The following IQSEC1 variants were observed in gnomAD, a reference collection of about 807,000 sequenced individuals.
IQSEC1 encodes the protein IQ motif and SEC7 domain-containing protein 1.
IQSEC1 carries 31 observed loss-of-function variants against 91.0 expected under a neutral mutation model. That is an observed-to-expected ratio of 0.34 (90% CI 0.26 to 0.46). The LOEUF (loss-of-function observed/expected upper bound fraction) is 0.46, where lower values mean the gene tolerates loss of function less well. Ranked by LOEUF, IQSEC1 falls within the 20% of genes least tolerant of loss-of-function variation. The pLI is 1.00. For synonymous variants in IQSEC1, 699 were observed against 662.6 expected (o/e 1.05, Z -0.84); for missense variants, 1,388 against 1,575.6 (o/e 0.88, Z 2.02).
intron 1 of IQSEC1, among the ~76,000 whole-genome samples, chr3:12,997,823 T>C (rs1702278729): frequency 6.6e-6 from 1 of 152,166 alleles, no homozygotes; most frequent in Admixed American, 6.5e-5. Context: ...AAACATAACA[T>C]AGAAAAGGTA....
Position 12,908,553 on chromosome 3 carries a change from T to G in IQSEC1, c.2579-28A>C. The stretch of plus-strand genomic sequence containing the variant: ...GGAACAGAGAGGGTGAGGGTCCTGG[T>G]GAGAGGAGCACAGCCTAGAGTGGGC... On this transcript the variant is annotated intron_variant, in intron 11 of 13. Coordinates refer to ENST00000613206, the MANE Select transcript of IQSEC1 (RefSeq NM_001134382.3). The surrounding 1 kb of genome is among the most constrained non-coding windows in gnomAD (Gnocchi z 4.9). 6.2e-7 allele frequency: 1 copy of G among 1,612,722 alleles called. No individual in the cohort carries two copies. The highest frequency in any genetic ancestry group is 8.5e-7 in the Non-Finnish European group (1 of 1,179,730).
intron 7 of IQSEC1, 147 bp from the exon 8 acceptor site, chr3:12,915,280 G>A (rs769888768): frequency 1.0e-5 from 10 of 994,136 alleles, no homozygotes; most frequent in Admixed American, 2.3e-5. Flanking sequence ...AGAGCTCTCT[G>A]AGGGGTCCCA....
chr3:13,173,652 C>A (rs557470452), intron 1 of IQSEC1, among the ~76,000 whole-genome samples: 1 of 152,346 alleles, frequency 6.6e-6, no homozygotes, highest in Middle Eastern at 3.4e-3. Flanking sequence ...GGACCCCAAC[C>A]CCCTGAAGAT....
intron 1 of IQSEC1, among the ~76,000 whole-genome samples, chr3:12,974,109 A>G (rs1424377470): frequency 6.6e-6 from 1 of 152,228 alleles, no homozygotes; most frequent in African/African-American, 2.4e-5. Flanking sequence ...CACTGCAGCT[A>G]GGCCACAGTG....
intron 2 of IQSEC1, among the ~76,000 whole-genome samples, chr3:13,111,977 G>C (rs1302538736): frequency 6.6e-6 from 1 of 152,106 alleles, no homozygotes; most frequent in Admixed American, 6.5e-5. Context: ...CCATTGCCCT[G>C]GACAGCCCTC....
chr3:12,926,642 C>T (rs1019345760), intron 3 of IQSEC1, among the ~76,000 whole-genome samples: 1 of 152,208 alleles, frequency 6.6e-6, no homozygotes, highest in South Asian at 2.1e-4. Context: ...ATTAGGGGGC[C>T]GGGCCTGACC....
At chr3:13,233,912 T>A (rs1224717031) in intron 1 of IQSEC1, among the ~76,000 whole-genome samples, 3 of 151,920 alleles carry the variant, frequency 2.0e-5, no homozygotes, top group East Asian at 1.9e-4. Flanking sequence ...CCCCAAAAAG[T>A]GGGGAGGGTG....
At chr3:13,072,897 GCCCCTC>G in intron 1 of IQSEC1, 89 bp downstream of exon 1, 1 of 1,125,604 alleles carries the variant, frequency 8.9e-7, no homozygotes, top group Non-Finnish European at 1.3e-6. Flanking sequence ...ACATCCACCT[GCCCCTC>G]CCCCAACGAT....
At chr3:12,982,449 T>C (rs139422960) in intron 1 of IQSEC1, among the ~76,000 whole-genome samples, 15 of 152,312 alleles carry the variant, frequency 9.8e-5, no homozygotes, top group African/African-American at 9.6e-5. Flanking sequence ...ACAGCACACT[T>C]GTGCAAGAAT....
intron 1 of IQSEC1, among the ~76,000 whole-genome samples, chr3:13,025,215 C>T (rs538997830): frequency 6.6e-6 from 1 of 152,248 alleles, no homozygotes; most frequent in Non-Finnish European, 1.5e-5. Context: ...TGCGTGGAAG[C>T]CTTCACCCCC....
intron 1 of IQSEC1, among the ~76,000 whole-genome samples, chr3:13,040,627 C>T (rs1045383355): frequency 8.5e-5 from 13 of 152,362 alleles, no homozygotes; most frequent in African/African-American, 2.9e-4. Flanking sequence ...CAGGACAAGG[C>T]CCAGGCTCCG....
At chr3:12,980,804 C>T (rs1204328045) in intron 1 of IQSEC1, among the ~76,000 whole-genome samples, 2 of 152,192 alleles carry the variant, frequency 1.3e-5, no homozygotes, top group African/African-American at 4.8e-5. Context: ...GAGCCTCTCA[C>T]TGTCCAGCCC....
intron 1 of IQSEC1, among the ~76,000 whole-genome samples, chr3:13,013,780 A>G (rs1428971371): frequency 1.3e-5 from 2 of 152,342 alleles, no homozygotes; most frequent in African/African-American, 2.4e-5. Flanking sequence ...TACTTGGCAC[A>G]CAGTAGGTGC....
chr3:13,044,627 C>T (rs780986111), intron 1 of IQSEC1, among the ~76,000 whole-genome samples: 9 of 152,232 alleles, frequency 5.9e-5, no homozygotes, highest in Non-Finnish European at 1.0e-4. Context: ...GTGTGATGAG[C>T]CTGTTTGGCA....
chr3:13,281,292 G>C (rs1337971052), intron 1 of IQSEC1, among the ~76,000 whole-genome samples: 1 of 152,170 alleles, frequency 6.6e-6, no homozygotes, highest in Non-Finnish European at 1.5e-5. Flanking sequence ...ACTGAAGAGT[G>C]AAGGGAGTCT....
chr3:12,903,477 C>G (rs1365807873), intron 12 of IQSEC1, among the ~76,000 whole-genome samples: 1 of 152,222 alleles, frequency 6.6e-6, no homozygotes, highest in Non-Finnish European at 1.5e-5. Flanking sequence ...TGGGATTCCT[C>G]TGCTTGGTAC....
chr3:13,245,071 A>G (rs1170141873), intron 1 of IQSEC1, among the ~76,000 whole-genome samples: 1 of 152,166 alleles, frequency 6.6e-6, no homozygotes, highest in Non-Finnish European at 1.5e-5. Flanking sequence ...GCCAACATTT[A>G]TTATCTTTCA....
intron 1 of IQSEC1, among the ~76,000 whole-genome samples, chr3:12,968,629 GT>G (rs1364069092): frequency 6.6e-6 from 1 of 152,138 alleles, no homozygotes; most frequent in Non-Finnish European, 1.5e-5. Flanking sequence ...CCATTTGTAT[GT>G]TTACTTGTTT....
chr3:12,911,092 A>G (rs1303711943), intron 10 of IQSEC1, among the ~76,000 whole-genome samples: 1 of 152,228 alleles, frequency 6.6e-6, no homozygotes, highest in Non-Finnish European at 1.5e-5. Context: ...TAACCCTTGC[A>G]AAGCACTGTG....
Sources: allele counts gnomAD v4.1 joint callset (sites outside exome capture counted in the v4.1 genomes callset), GRCh38; gene constraint gnomAD v4.1.1; non-coding constraint Gnocchi (gnomAD v3.1); transcripts MANE v1.5; gene names NCBI Gene and HGNC (gene_info 2026-07-23, HGNC 2026-07-21).